Variants in PRELID2 observed in about 807,000 individuals in gnomAD.
PRELID2 encodes the protein PRELI domain containing 2.
PRELID2 carries 25 observed loss-of-function variants against 28.4 expected under a neutral mutation model. The observed-to-expected ratio is 0.88, with a 90% CI of 0.64 to 1.23. The LOEUF (loss-of-function observed/expected upper bound fraction) is 1.23, where lower values mean the gene tolerates loss of function less well. Ranked by LOEUF, PRELID2 falls within the 50% of genes most tolerant of loss-of-function variation. The pLI, the probability that PRELID2 is intolerant of heterozygous loss-of-function variation, is 0.00. For synonymous variants in PRELID2, 76 were observed against 71.6 expected, an observed-to-expected ratio of 1.06 and a Z score of -0.31; for missense variants, 201 against 214.4, an observed-to-expected ratio of 0.94 and a Z score of 0.39.
intron 1 of PRELID2, among the ~76,000 whole-genome samples, chr5:145,558,305 T>C (rs1752898269): frequency 6.6e-6 from 1 of 152,234 alleles, no homozygotes; most frequent in East Asian, 1.9e-4. Flanking sequence ...TTGTAGAGGT[T>C]GTTGAAGGGG....
At chr5:145,731,304 G>C (rs774222633) in intron 1 of PRELID2, among the ~76,000 whole-genome samples, 1 of 152,048 alleles carries the variant, frequency 6.6e-6, no homozygotes, top group Non-Finnish European at 1.5e-5. Context: ...TGTTAATATC[G>C]GCTTCTATTC....
chr5:145,404,044 C>A, the PRELID2 span, among the ~76,000 whole-genome samples: 1 of 152,172 alleles, frequency 6.6e-6, no homozygotes, highest in South Asian at 2.1e-4. Context: ...TTGTAGATGG[C>A]AGCCACCCTG....
Position 145,533,872 on chromosome 5 carries a change from G to A in PRELID2, n.71-60557C>T, listed in dbSNP as rs1048277959. Among the ~76,000 whole-genome samples the A allele has an allele frequency of 2.0e-5, 3 of 151,976 alleles. No homozygotes were observed. The South Asian group carries it at 6.2e-4, about 32-fold the overall frequency. On this transcript the variant is annotated intron_variant and non_coding_transcript_variant, in intron 1 of 2. Transcript: ENST00000510259. ...AAGAATTCAGGTGACCAACTGATTG[G>A]ATGTTTCTCTTTTCATTTACATGTC...
the PRELID2 span, among the ~76,000 whole-genome samples, chr5:145,424,407 C>T: frequency 6.6e-6 from 1 of 152,226 alleles, no homozygotes; most frequent in African/African-American, 2.4e-5. Flanking sequence ...GCGTTGGACC[C>T]TCCCAGCCAG....
intron 1 of PRELID2, among the ~76,000 whole-genome samples, chr5:145,494,082 T>C (rs1328133241): frequency 6.6e-6 from 1 of 152,194 alleles, no homozygotes; most frequent in African/African-American, 2.4e-5. Context: ...CATATCTCAT[T>C]TGTCCTTCAC....
the PRELID2 span, among the ~76,000 whole-genome samples, chr5:145,357,843 C>T: frequency 6.6e-5 from 10 of 151,904 alleles, no homozygotes; most frequent in Non-Finnish European, 1.5e-4. Context: ...TGCCAGAGAT[C>T]CCATGCTAGT....
intron 1 of PRELID2, among the ~76,000 whole-genome samples, chr5:145,639,004 G>A (rs1754049963): frequency 6.6e-6 from 1 of 152,154 alleles, no homozygotes. Context: ...TTTAGACCTG[G>A]ATTAGGTATT....
the PRELID2 span, among the ~76,000 whole-genome samples, chr5:145,352,226 T>C: frequency 2.0e-5 from 3 of 152,208 alleles, no homozygotes; most frequent in Non-Finnish European, 1.5e-5. Flanking sequence ...AGGTTCTCCA[T>C]GAGGGCCTCA....
At chr5:145,524,892 T>A (rs1752594883) in intron 1 of PRELID2, among the ~76,000 whole-genome samples, 1 of 152,190 alleles carries the variant, frequency 6.6e-6, no homozygotes, top group Non-Finnish European at 1.5e-5. Flanking sequence ...ACTGTGAGAC[T>A]AAGTGTCATA....
chr5:145,813,372 G>C (rs913970787), intron 4 of PRELID2, among the ~76,000 whole-genome samples: 1 of 152,168 alleles, frequency 6.6e-6, no homozygotes, highest in Non-Finnish European at 1.5e-5. Flanking sequence ...CATGTCAAGA[G>C]CTAAGGAAAC....
chr5:145,254,437 A>G, the PRELID2 span, among the ~76,000 whole-genome samples: 1 of 152,102 alleles, frequency 6.6e-6, no homozygotes, highest in Non-Finnish European at 1.5e-5. Context: ...GTGAGCCCCA[A>G]TCTGCTGGCA....
intron 6 of PRELID2, among the ~76,000 whole-genome samples, chr5:145,762,250 G>A (rs915355381): frequency 2.0e-5 from 3 of 152,146 alleles, no homozygotes; most frequent in Admixed American, 2.0e-4. Flanking sequence ...AGAGTAAGTT[G>A]CTTTTCACAA....
intron 1 of PRELID2, among the ~76,000 whole-genome samples, chr5:145,497,525 TAC>T (rs1005041827): frequency 1.9e-4 from 29 of 152,150 alleles, no homozygotes; most frequent in African/African-American, 6.3e-4. Flanking sequence ...TCAAAATGTT[TAC>T]AGTGTTTTTC....
At chr5:145,639,356 A>T (rs2149662963) in intron 1 of PRELID2, among the ~76,000 whole-genome samples, 1 of 152,074 alleles carries the variant, frequency 6.6e-6, no homozygotes, top group Admixed American at 6.5e-5. Flanking sequence ...AACCAGAGGG[A>T]GAAGGGCAAG....
intron 1 of PRELID2, among the ~76,000 whole-genome samples, chr5:145,736,318 T>A (rs1462675143): frequency 6.6e-6 from 1 of 152,156 alleles, no homozygotes; most frequent in Non-Finnish European, 1.5e-5. Context: ...TGTCAGCCTG[T>A]CTTATTTATT....
intron 1 of PRELID2, among the ~76,000 whole-genome samples, chr5:145,549,047 T>G (rs907071843): frequency 1.3e-5 from 2 of 152,182 alleles, no homozygotes; most frequent in African/African-American, 4.8e-5. Flanking sequence ...TAACTCTTAC[T>G]TACATGAGGT....
At chr5:145,330,854 A>C in the PRELID2 span, among the ~76,000 whole-genome samples, 29 of 151,808 alleles carry the variant, frequency 1.9e-4, no homozygotes, top group Admixed American at 3.9e-4. Flanking sequence ...TAGTTCTTTT[A>C]ATTGTGAGGT....
At chr5:145,543,915 T>C (rs1752765123) in intron 1 of PRELID2, among the ~76,000 whole-genome samples, 1 of 152,068 alleles carries the variant, frequency 6.6e-6, no homozygotes. Context: ...CAACTTTTCT[T>C]TCTGAGAACA....
At chr5:145,383,300 CAT>C in the PRELID2 span, among the ~76,000 whole-genome samples, 3 of 151,168 alleles carry the variant, frequency 2.0e-5, no homozygotes, top group African/African-American at 7.3e-5. Flanking sequence ...TATATACACA[CAT>C]ATATGTACGG....
Sources: gnomAD v4.1 joint callset for allele counts (sites outside exome capture counted in the v4.1 genomes callset) on GRCh38, gnomAD v4.1.1 for gene constraint, MANE v1.5 for transcripts, NCBI Gene and HGNC (gene_info 2026-07-23, HGNC 2026-07-21) for gene names.